Variants in ATXN10 observed in about 807,000 individuals in gnomAD.
ATXN10 encodes the protein ataxin 10, also known as ataxin-10.
A neutral mutation model predicts 52.9 loss-of-function variants in ATXN10; 28 were observed. The observed-to-expected ratio is 0.53, with a 90% CI of 0.39 to 0.73. The LOEUF is 0.73. Ranked by LOEUF, ATXN10 falls within the 30% of genes least tolerant of loss-of-function variation. The probability of loss-of-function intolerance (pLI) is 0.00; values close to 1 mark genes in which losing one functional copy is unlikely to be tolerated. For synonymous variants in ATXN10, 226 were observed against 221.5 expected (o/e 1.02, Z -0.18); for missense variants, 565 against 577.0 (o/e 0.98, Z 0.21).
rs1019393398 is a variant in ATXN10 at position 45,775,982 on chromosome 22, A to G, written c.1174-30977A>G. ...CCACAGCCCATTGGTTCCGTCCTTGACCCACACTTGACCTGTCTGCTGGAG... is the reference window on the plus strand; with the variant it reads ...CCACAGCCCATTGGTTCCGTCCTTGGCCCACACTTGACCTGTCTGCTGGAG... On this transcript the variant is annotated intron_variant, in intron 9 of 11. Transcript: ENST00000252934. This position sits in a 1 kb window ranked among gnomAD's most constrained non-coding sequence, Gnocchi z 4.7. Among the ~76,000 whole-genome samples the G allele has an allele frequency of 4.6e-5, 7 of 152,222 alleles. No homozygotes were observed. Among genetic ancestry groups the G allele is most frequent in the Admixed American group, 4.6e-4 (7 of 15,300 alleles).
At chr22:45,796,762 G>A (rs6006808) in intron 9 of ATXN10, among the ~76,000 whole-genome samples, 4,380 of 152,242 alleles carry the variant, frequency 0.029, 208 homozygotes, top group African/African-American at 0.1. Context: ...GCCTCCCAAA[G>A]CATTGAGATT....
intron 9 of ATXN10, among the ~76,000 whole-genome samples, chr22:45,776,959 A>G (rs1926981237): frequency 6.6e-6 from 1 of 152,256 alleles, no homozygotes. Context: ...TAAATGTATC[A>G]AGTTGAACTT....
intron 9 of ATXN10, among the ~76,000 whole-genome samples, chr22:45,782,907 A>T (rs1305344240): frequency 2.0e-5 from 3 of 152,192 alleles, no homozygotes; most frequent in African/African-American, 7.2e-5. Context: ...ATAAAGTTTA[A>T]TTTATAAATT....
intron 9 of ATXN10, among the ~76,000 whole-genome samples, chr22:45,749,141 C>T (rs1016708675): frequency 1.7e-4 from 26 of 151,946 alleles, no homozygotes; most frequent in East Asian, 5.8e-4. Context: ...TGTGCTTCAT[C>T]GTGGAATTCC....
Position 45,816,373 on chromosome 22 carries a change from C to T in ATXN10, c.1237+9351C>T, listed in dbSNP as rs976400274. The stretch of plus-strand genomic sequence containing the variant: ...GGGAAACAGATACCTCTCCCGTTTC[C>T]TCTCTTTCCTCCTTTTAGACTTCGG... On this transcript the variant is annotated intron_variant, in intron 10 of 11. Transcript: ENST00000252934. This position sits in a 1 kb window ranked among gnomAD's most constrained non-coding sequence, Gnocchi z 5.8. 6.6e-6 allele frequency among the ~76,000 whole-genome samples: 1 copy of T among 152,230 alleles called. No individual in the cohort carries two copies. The highest frequency in any genetic ancestry group is 2.4e-5 in the African/African-American group (1 of 41,464).
In ATXN10 at chr22:45,750,566, T is replaced by A. The variant is rs1198911204; in HGVS notation, c.1173+10028T>A. On this transcript the variant is annotated intron_variant, in intron 9 of 11. Transcript: ENST00000252934. The surrounding 1 kb of genome is among the most constrained non-coding windows in gnomAD (Gnocchi z 4.2). ...TGGAATATGGGAAAGATATTAGTTA[T>A]TTTTAAACTGATTTTTATTACTAGA... Among the ~76,000 whole-genome samples the A allele has an allele frequency of 6.6e-6, 1 of 152,238 alleles. No homozygotes were observed. Among genetic ancestry groups the A allele is most frequent in the Non-Finnish European group, 1.5e-5 (1 of 68,046 alleles).
At position 45,824,404 on chromosome 22, in the gene ATXN10, A is replaced by T. The variant is rs1928752351; in HGVS notation, c.1237+17382A>T. 6.6e-6 allele frequency among the ~76,000 whole-genome samples: 1 copy of T among 152,122 alleles called. No homozygotes were observed. On this transcript the variant is annotated intron_variant, in intron 10 of 11. Coordinates refer to ENST00000252934, the MANE Select transcript of ATXN10 (RefSeq NM_013236.4). This position sits in a 1 kb window ranked among gnomAD's most constrained non-coding sequence, Gnocchi z 5.2. ...AATTTAACATTGTAGCTTTTATAGT[A>T]CTTTGTAATTATGTGTTTATTTCTC...
In ATXN10 at chr22:45,819,841, C is replaced by G. The variant is rs562782197; in HGVS notation, c.1237+12819C>G. On this transcript the variant is annotated intron_variant, in intron 10 of 11. Transcript: ENST00000252934. This position sits in a 1 kb window ranked among gnomAD's most constrained non-coding sequence, Gnocchi z 4.5. ...GTTAATACCTTTTTAAATTGCGAAA[C>G]TTAAATACCATTGCCACACAGATTA... Among the ~76,000 whole-genome samples, 52 of 152,292 alleles carry G rather than the reference C, an allele frequency of 3.4e-4. No homozygotes were observed. The highest frequency in any genetic ancestry group is 6.3e-4 in the Non-Finnish European group (43 of 68,028).
chr22:45,780,666 A>G lies in ATXN10; in HGVS notation c.1174-26293A>G, dbSNP rs2146852875. On this transcript the variant is annotated intron_variant, in intron 9 of 11. Coordinates refer to ENST00000252934, the MANE Select transcript of ATXN10 (RefSeq NM_013236.4). The surrounding 1 kb of genome is among the most constrained non-coding windows in gnomAD (Gnocchi z 4.0). ...TGCTTAGTACATATTAACTGCCTTT[A>G]TTTTTGTTTGCACAAATATATCCTA... 6.6e-6 allele frequency among the ~76,000 whole-genome samples: 1 copy of G among 152,336 alleles called. No individual in the cohort carries two copies. Among genetic ancestry groups the G allele is most frequent in the South Asian group, 2.1e-4 (1 of 4,824 alleles).
rs1047371076 is a variant in ATXN10 at position 45,783,371 on chromosome 22, C to T, written c.1174-23588C>T. 2.6e-5 allele frequency among the ~76,000 whole-genome samples: 4 copies of T among 152,196 alleles called. No homozygotes were observed. The highest frequency in any genetic ancestry group is 1.9e-4 in the East Asian group (1 of 5,200). ...TTTTCCACTTAATAGTTTCAGACCACGGGTAACTGAAAATTGCAAAACGTG... is the reference window on the plus strand; with the variant it reads ...TTTTCCACTTAATAGTTTCAGACCATGGGTAACTGAAAATTGCAAAACGTG... On this transcript the variant is annotated intron_variant, in intron 9 of 11. Transcript: ENST00000252934. This position sits in a 1 kb window ranked among gnomAD's most constrained non-coding sequence, Gnocchi z 5.0.
At chr22:45,760,151 C>T (rs1298850663) in intron 9 of ATXN10, among the ~76,000 whole-genome samples, 1 of 152,166 alleles carries the variant, frequency 6.6e-6, no homozygotes, top group African/African-American at 2.4e-5. Context: ...GTACTGGTGG[C>T]CTAGCTCAAC....
chr22:45,725,867 G>C (rs573433240), intron 6 of ATXN10, among the ~76,000 whole-genome samples: 1 of 152,176 alleles, frequency 6.6e-6, no homozygotes, highest in Non-Finnish European at 1.5e-5. Flanking sequence ...TATCATAAAG[G>C]GATGCTGGAT....
intron 10 of ATXN10, among the ~76,000 whole-genome samples, chr22:45,808,436 C>T (rs1928174315): frequency 6.6e-6 from 1 of 152,216 alleles, no homozygotes; most frequent in Non-Finnish European, 1.5e-5. Flanking sequence ...AATAAAAAGA[C>T]TGTTGTACAC....
At chr22:45,704,105 G>A (rs1159479651) in intron 5 of ATXN10, 1 of 147,700 alleles carries the variant, frequency 6.8e-6, no homozygotes, top group Non-Finnish European at 1.5e-5. Context: ...TTTTGTAAGT[G>A]CCTGAGGCTC....
At chr22:45,794,562 T>G (rs1385955575) in intron 9 of ATXN10, among the ~76,000 whole-genome samples, 2 of 152,204 alleles carry the variant, frequency 1.3e-5, no homozygotes, top group East Asian at 1.9e-4. Flanking sequence ...CTCTGTAGTG[T>G]TGTTGTTCTA....
Position 45,840,335 on chromosome 22 carries a change from A to AAG in ATXN10, c.1238-2646_1238-2645dup, listed in dbSNP as rs136028. Among the ~76,000 whole-genome samples the AAG allele has an allele frequency of 2.0e-5, 3 of 152,036 alleles. No homozygotes were observed. Among genetic ancestry groups the AAG allele is most frequent in the Non-Finnish European group, 2.9e-5 (2 of 68,028 alleles). ...TGCAGTGTGATGAGAACTGTTAAAA[A>AAG]AGAGAGAGAGAATGCATTGGAAACA... On this transcript the variant is annotated intron_variant, in intron 10 of 11. Coordinates refer to ENST00000252934, the MANE Select transcript of ATXN10 (RefSeq NM_013236.4). This position sits in a 1 kb window ranked among gnomAD's most constrained non-coding sequence, Gnocchi z 5.8.
At position 45,820,141 on chromosome 22, in the gene ATXN10, A is replaced by G. The variant is rs1454685808; in HGVS notation, c.1237+13119A>G. Among the ~76,000 whole-genome samples the G allele has an allele frequency of 6.6e-6, 1 of 152,232 alleles. No homozygotes were observed. Among genetic ancestry groups the G allele is most frequent in the African/African-American group, 2.4e-5 (1 of 41,448 alleles). On this transcript the variant is annotated intron_variant, in intron 10 of 11. Coordinates refer to ENST00000252934, the MANE Select transcript of ATXN10 (RefSeq NM_013236.4). This position sits in a 1 kb window ranked among gnomAD's most constrained non-coding sequence, Gnocchi z 4.9. ...AGTTATTCTAGGACCAATACATTAA[A>G]AAGCAAAAACGTATTGGGCCTGTTG...
At chr22:45,746,978 ATCAC>A (rs1165564652) in intron 9 of ATXN10, among the ~76,000 whole-genome samples, 2 of 152,226 alleles carry the variant, frequency 1.3e-5, no homozygotes, top group Non-Finnish European at 2.9e-5. Flanking sequence ...TTATTTGGGT[ATCAC>A]TCAATTTTAC....
At chr22:45,723,170 T>C (rs764149954) in intron 6 of ATXN10, among the ~76,000 whole-genome samples, 17 of 152,146 alleles carry the variant, frequency 1.1e-4, no homozygotes, top group Middle Eastern at 3.2e-3. Context: ...TGTGTGTATA[T>C]ATATATATGT....
Sources: gnomAD v4.1 joint callset for allele counts (sites outside exome capture counted in the v4.1 genomes callset) on GRCh38, gnomAD v4.1.1 for gene constraint, Gnocchi (gnomAD v3.1) non-coding constraint, MANE v1.5 for transcripts, NCBI Gene and HGNC (gene_info 2026-07-23, HGNC 2026-07-21) for gene names.